KCNJ15: variants seen among roughly 807,000 people sequenced by gnomAD.
KCNJ15 encodes potassium inwardly rectifying channel subfamily J member 15.
In KCNJ15, 14 loss-of-function variants were observed where a neutral mutation model predicts 23.0. The ratio of observed to expected loss-of-function variants is 0.61; its 90% confidence interval spans 0.40 to 0.95. The LOEUF is 0.95. Ranked by LOEUF, KCNJ15 falls within the 40% of genes least tolerant of loss-of-function variation. The probability of loss-of-function intolerance (pLI) is 0.00; values close to 1 mark genes in which losing one functional copy is unlikely to be tolerated. For missense variants in KCNJ15, 388 were observed against 461.8 expected, an observed-to-expected ratio of 0.84 and a Z score of 1.46; for synonymous variants, 185 against 183.2, an observed-to-expected ratio of 1.01 and a Z score of -0.08.
intron 1 of KCNJ15, among the ~76,000 whole-genome samples, chr21:38,277,037 G>GTGTC (rs1411080803): frequency 6.6e-6 from 1 of 151,356 alleles, no homozygotes; most frequent in Non-Finnish European, 1.5e-5. Flanking sequence ...TTGTGTGTGT[G>GTGTC]TGTGTGTGTG....
At chr21:38,294,176 C>A (rs1251246353) in intron 1 of KCNJ15, among the ~76,000 whole-genome samples, 1 of 152,108 alleles carries the variant, frequency 6.6e-6, no homozygotes, top group African/African-American at 2.4e-5. Flanking sequence ...AAATTTAATC[C>A]AGGCATTTTT....
At chr21:38,287,273 G>A in intron 1 of KCNJ15, among the ~76,000 whole-genome samples, 1 of 152,124 alleles carries the variant, frequency 6.6e-6, no homozygotes, top group East Asian at 1.9e-4. Flanking sequence ...ATCCCGCAGT[G>A]GTTAGATTTG....
intron 1 of KCNJ15, among the ~76,000 whole-genome samples, chr21:38,261,539 A>G (rs1419457514): frequency 6.6e-6 from 1 of 152,228 alleles, no homozygotes; most frequent in Non-Finnish European, 1.5e-5. Context: ...GTTTATCCAT[A>G]TCTAGTGATC....
chr21:38,252,433 T>A (rs1979903046), upstream of KCNJ15, among the ~76,000 whole-genome samples: 1 of 152,200 alleles, frequency 6.6e-6, no homozygotes, highest in Admixed American at 6.5e-5. Context: ...TGCTGAACTA[T>A]AATTTACTCC....
intron 1 of KCNJ15, among the ~76,000 whole-genome samples, chr21:38,251,519 G>T (rs1266647151): frequency 6.6e-6 from 1 of 152,140 alleles, no homozygotes; most frequent in African/African-American, 2.4e-5. Flanking sequence ...ATAGAGAGAG[G>T]CGGGCACTTC....
chr21:38,261,811 G>T (rs1054475391), intron 1 of KCNJ15, among the ~76,000 whole-genome samples: 3 of 152,168 alleles, frequency 2.0e-5, no homozygotes, highest in African/African-American at 7.2e-5. Flanking sequence ...CCCTAGAATG[G>T]TATTGAATGC....
chr21:38,286,540 TTTG>T, intron 1 of KCNJ15, among the ~76,000 whole-genome samples: 1 of 152,318 alleles, frequency 6.6e-6, no homozygotes, highest in Non-Finnish European at 1.5e-5. Flanking sequence ...TAGCTGTGAT[TTTG>T]TTAAGTGTCC....
At chr21:38,234,172 A>G (rs1203794057) in intron 1 of KCNJ15, among the ~76,000 whole-genome samples, 6 of 152,216 alleles carry the variant, frequency 3.9e-5, no homozygotes, top group African/African-American at 1.4e-4. Context: ...GTCTACACCA[A>G]GCTTGTCCAA....
intron 1 of KCNJ15, among the ~76,000 whole-genome samples, chr21:38,294,701 G>A (rs1262938116): frequency 2.6e-5 from 4 of 152,134 alleles, no homozygotes; most frequent in Non-Finnish European, 5.9e-5. Flanking sequence ...CCCAACACTG[G>A]AAGTGTAGTT....
chr21:38,287,432 G>A (rs997950665), intron 1 of KCNJ15, among the ~76,000 whole-genome samples: 2 of 152,144 alleles, frequency 1.3e-5, no homozygotes, highest in African/African-American at 4.8e-5. Flanking sequence ...GCCAGATTTA[G>A]CAGATTTAGC....
rs1243776665 is a variant in KCNJ15 at position 38,301,291 on chromosome 21, GA to G, written c.*904del. 1.2e-5 allele frequency: 2 copies of G among 167,102 alleles called. No individual in the cohort carries two copies. Among genetic ancestry groups the G allele is most frequent in the Non-Finnish European group, 1.5e-5 (1 of 68,132 alleles). 10.4% of individuals were successfully genotyped at this position (167,102 alleles called of 1,614,324 possible). ...GACAGTGTTCTCAAAGCAACTTTCT[GA>G]AGCCGTGTGGAAAACTGACTCTGTG... On this transcript the variant is annotated 3_prime_UTR_variant, in exon 3 of 3. Coordinates refer to ENST00000398938, the MANE Select transcript of KCNJ15 (RefSeq NM_170736.3).
rs938973693 is a variant in KCNJ15 at position 38,302,438 on chromosome 21, A to G, written c.*2049A>G. The G allele has an allele frequency of 3.9e-5, 6 of 152,242 alleles. No homozygotes were observed. Among genetic ancestry groups the G allele is most frequent in the African/African-American group, 1.4e-4 (6 of 41,458 alleles). The allele number at this position is 152,242 out of a possible 1,614,324, so 9.4% of individuals were successfully genotyped here. ...TGTGAAAGTTTAAAGAATGCCCTCA[A>G]TCCATGAACGAGAGGGAGGATGTTG... On this transcript the variant is annotated 3_prime_UTR_variant, in exon 3 of 3. Coordinates refer to ENST00000398938, the MANE Select transcript of KCNJ15 (RefSeq NM_170736.3).
At chr21:38,232,467 GT>G (rs1425186014) in intron 1 of KCNJ15, among the ~76,000 whole-genome samples, 13 of 151,456 alleles carry the variant, frequency 8.6e-5, no homozygotes, top group Non-Finnish European at 1.9e-4. Context: ...TATTTTTTAT[GT>G]ATTACTTTCT....
chr21:38,230,153 G>A (rs1228508408), intron 1 of KCNJ15, among the ~76,000 whole-genome samples: 4 of 151,916 alleles, frequency 2.6e-5, no homozygotes, highest in African/African-American at 9.7e-5. Context: ...CATAACGTTT[G>A]AACATTCCAA....
Position 38,302,234 on chromosome 21 carries a change from G to T in KCNJ15, c.*1845G>T, listed in dbSNP as rs551122870. On this transcript the variant is annotated 3_prime_UTR_variant, in exon 3 of 3. Transcript: ENST00000398938. Reference sequence around the variant, plus strand: ...AACATTGGGACTCAGAGAAAATGGGGAAAATAAAGTGGATTCAGGTTATCA... The same window carrying T: ...AACATTGGGACTCAGAGAAAATGGGTAAAATAAAGTGGATTCAGGTTATCA... 3 of 152,332 alleles carry T rather than the reference G, an allele frequency of 2.0e-5. No homozygotes were observed. The East Asian group carries it at 5.8e-4, about 29-fold the overall frequency. 9.4% of individuals were successfully genotyped at this position (152,332 alleles called of 1,614,324 possible).
intron 1 of KCNJ15, among the ~76,000 whole-genome samples, chr21:38,262,564 T>C (rs1012104088): frequency 1.3e-5 from 2 of 152,226 alleles, no homozygotes; most frequent in African/African-American, 4.8e-5. Context: ...TTGTTTAATA[T>C]ATTTCAAATC....
At chr21:38,274,953 C>G (rs887590727) in intron 1 of KCNJ15, among the ~76,000 whole-genome samples, 5 of 152,186 alleles carry the variant, frequency 3.3e-5, no homozygotes, top group African/African-American at 4.8e-5. Flanking sequence ...TACAATGATT[C>G]TTCAATTTCC....
intron 1 of KCNJ15, among the ~76,000 whole-genome samples, chr21:38,275,519 CAAAAAAAAAAAA>C (rs10709944): frequency 3.4e-5 from 3 of 88,120 alleles, no homozygotes; most frequent in East Asian, 6.8e-4. Context: ...GAAACTCCGT[CAAAAAAAAAAAA>C]AAAAAAAAAA....
chr21:38,262,683 C>CTTTT (rs376137670), intron 1 of KCNJ15, among the ~76,000 whole-genome samples: 1 of 146,020 alleles, frequency 6.8e-6, no homozygotes, highest in Non-Finnish European at 1.5e-5. Flanking sequence ...CATCTGACAT[C>CTTTT]TTTTTTTTTT....
Sources: gnomAD v4.1 joint callset for allele counts (sites outside exome capture counted in the v4.1 genomes callset) on GRCh38, gnomAD v4.1.1 for gene constraint, MANE v1.5 for transcripts, NCBI Gene and HGNC (gene_info 2026-07-23, HGNC 2026-07-21) for gene names.